Variants in MAP4 observed in about 807,000 individuals in gnomAD.
MAP4 encodes the protein microtubule-associated protein 4.
Under a neutral mutation model 170.2 loss-of-function variants are expected in MAP4, and 76 were observed. The ratio of observed to expected loss-of-function variants is 0.45; its 90% CI spans 0.37 to 0.54. MAP4 has a LOEUF of 0.54. Among genes scored for constraint, MAP4 ranks in the 20% least tolerant of loss-of-function variants. MAP4 has a pLI of 0.00. For synonymous variants in MAP4, 909 were observed against 994.5 expected, an observed-to-expected ratio of 0.91 and a Z score of 1.62; for missense variants, 2,506 against 2,748.0, an observed-to-expected ratio of 0.91 and a Z score of 1.97.
intron 9 of MAP4, among the ~76,000 whole-genome samples, chr3:47,905,268 C>G (rs2100032298): frequency 6.6e-6 from 1 of 151,890 alleles, no homozygotes; most frequent in African/African-American, 2.4e-5. Context: ...TTTTCTTCTA[C>G]AAAACTAAAA....
At position 47,916,062 on chromosome 3, in the gene MAP4, T is replaced by C. The variant is rs1317416638; in HGVS notation, c.1765A>G (p.Ile589Val). ...GTTTGTGCAATTTCCATGTCTTTAA[T>C]TGGAACTGGTGTTGCCTCTGTTTCT... is the stretch of plus-strand genomic sequence containing the variant. ...LSETEATPVPIKDMEIAQTQK... is the reference protein window; with the variant it reads ...LSETEATPVPVKDMEIAQTQK... Residue 589 changes from isoleucine to valine, a missense_variant, in exon 7 of 21, where the codon ATT becomes GTT. Around this residue, in one of 3 missense-constraint regions of MAP4, gnomAD observed 2,008 missense variants for 2,206.0 expected, o/e 0.91. Transcript: ENST00000683076. 1 of 1,614,254 alleles carries C rather than the reference T, an allele frequency of 6.2e-7. No homozygotes were observed. The highest frequency in any genetic ancestry group is 8.5e-7 in the Non-Finnish European group (1 of 1,180,048).
chr3:47,952,315 C>A (rs536584854), intron 3 of MAP4, among the ~76,000 whole-genome samples: 1 of 151,678 alleles, frequency 6.6e-6, no homozygotes, highest in Non-Finnish European at 1.5e-5. Flanking sequence ...AGGTGAGGGG[C>A]GCCTCTGCCC....
intron 3 of MAP4, among the ~76,000 whole-genome samples, chr3:47,963,789 ATAAG>A (rs1193154384): frequency 6.6e-6 from 1 of 152,226 alleles, no homozygotes; most frequent in African/African-American, 2.4e-5. Flanking sequence ...GGCAGATGAG[ATAAG>A]TAAACTATAC....
intron 3 of MAP4, among the ~76,000 whole-genome samples, chr3:47,936,616 C>T (rs372572871): frequency 6.2e-4 from 95 of 152,090 alleles, no homozygotes; most frequent in African/African-American, 2.2e-3. Flanking sequence ...AAAAACAAAG[C>T]TTCTTCACAG....
At chr3:47,995,481 C>G (rs1382160614) in intron 2 of MAP4, among the ~76,000 whole-genome samples, 1 of 152,072 alleles carries the variant, frequency 6.6e-6, no homozygotes, top group East Asian at 1.9e-4. Context: ...AAACTCCTGA[C>G]CTCAGGTGAG....
intron 8 of MAP4, among the ~76,000 whole-genome samples, chr3:47,912,844 T>G (rs2153541438): frequency 6.6e-6 from 1 of 152,334 alleles, no homozygotes; most frequent in Non-Finnish European, 1.5e-5. Flanking sequence ...CAGTTAAATA[T>G]ACATGATTTT....
At chr3:47,887,910 C>T (rs1166956050) in intron 10 of MAP4, among the ~76,000 whole-genome samples, 1 of 152,082 alleles carries the variant, frequency 6.6e-6, no homozygotes, top group Non-Finnish European at 1.5e-5. Context: ...CTGTGTTTAG[C>T]TCAAGGTTTG....
At chr3:48,038,028 A>G (rs1288453283) in intron 1 of MAP4, among the ~76,000 whole-genome samples, 1 of 151,600 alleles carries the variant, frequency 6.6e-6, no homozygotes, top group African/African-American at 2.4e-5. Flanking sequence ...TTAGCCAAGC[A>G]TTGGTGGCAG....
chr3:48,055,245 T>C (rs62260830), intron 1 of MAP4, among the ~76,000 whole-genome samples: 91,161 of 150,832 alleles, frequency 0.6, 28,686 homozygotes, highest in East Asian at 0.73. Context: ...CGTCTCCCCA[T>C]GGTCTCCCTC....
chr3:48,045,889 G>A (rs901324938), intron 1 of MAP4, among the ~76,000 whole-genome samples: 1 of 151,922 alleles, frequency 6.6e-6, no homozygotes, highest in East Asian at 1.9e-4. Flanking sequence ...ACTCCTGTCT[G>A]AGTCTGGAAT....
chr3:48,027,174 A>G (rs1214982033), intron 1 of MAP4, among the ~76,000 whole-genome samples: 1 of 152,250 alleles, frequency 6.6e-6, no homozygotes, highest in Non-Finnish European at 1.5e-5. Flanking sequence ...ATAAATGGTC[A>G]TTGTTTCACA....
chr3:47,853,299 C>T lies in MAP4; in HGVS notation c.6750G>A (p.Glu2250=), dbSNP rs2047363905. Reference sequence around the variant, plus strand: ...GCGCTGCCTCAGAGATGGCCGGCTCCTCCCCAGCAGGGGGACCCGGACACA... The same window carrying T: ...GCGCTGCCTCAGAGATGGCCGGCTCTTCCCCAGCAGGGGGACCCGGACACA... ...APLCPGPPAG[E]EPAISEAAPE... The change falls in exon 20 of 21, where the codon GAG becomes GAA. Residue 2250 remains glutamate, a synonymous_variant. Transcript: ENST00000683076. 5.6e-6 allele frequency: 9 copies of T among 1,611,070 alleles called. No individual in the cohort carries two copies. The highest frequency in any genetic ancestry group is 7.6e-6 in the Non-Finnish European group (9 of 1,179,428).
chr3:48,051,125 C>G (rs1433882754), intron 1 of MAP4, among the ~76,000 whole-genome samples: 1 of 150,468 alleles, frequency 6.6e-6, no homozygotes, highest in East Asian at 1.9e-4. Flanking sequence ...CACACACACA[C>G]ACTTAGGCTG....
At chr3:47,942,322 A>G (rs2100057037) in intron 3 of MAP4, among the ~76,000 whole-genome samples, 1 of 152,314 alleles carries the variant, frequency 6.6e-6, no homozygotes, top group South Asian at 2.1e-4. Flanking sequence ...GAAAGGGGAA[A>G]ATGTCTGAAT....
chr3:47,966,865 A>G (rs907849346), intron 3 of MAP4, among the ~76,000 whole-genome samples: 19 of 152,304 alleles, frequency 1.2e-4, no homozygotes, highest in African/African-American at 4.3e-4. Context: ...AATACCACAC[A>G]GTTTTGATTA....
chr3:47,975,244 G>A, intron 3 of MAP4: 3 of 1,315,156 alleles, frequency 2.3e-6, no homozygotes, highest in Non-Finnish European at 2.9e-6. Context: ...GGGAAATGAG[G>A]CTCCATCAAA....
chr3:48,002,784 T>C (rs1041195183), intron 1 of MAP4, among the ~76,000 whole-genome samples: 1 of 150,688 alleles, frequency 6.6e-6, no homozygotes, highest in Non-Finnish European at 1.5e-5. Context: ...GGCTGAGGCA[T>C]GAGAATCACT....
chr3:47,891,649 A>G, intron 10 of MAP4: 1 of 1,536,186 alleles, frequency 6.5e-7, no homozygotes, highest in Non-Finnish European at 8.7e-7. Context: ...CCTCCTCGGT[A>G]GAACTCAATT....
chr3:48,075,923 C>T (rs555113427), intron 1 of MAP4, among the ~76,000 whole-genome samples: 10 of 140,134 alleles, frequency 7.1e-5, no homozygotes, highest in Admixed American at 7.5e-5. Context: ...TGCAGTGAGC[C>T]GAGATCACGT....
Sources: gnomAD v4.1 joint callset for allele counts (sites outside exome capture counted in the v4.1 genomes callset) on GRCh38, gnomAD v4.1.1 for gene constraint, gnomAD v4.1.1 regional missense constraint, MANE v1.5 for transcripts, NCBI Gene and HGNC (gene_info 2026-07-23, HGNC 2026-07-21) for gene names.